The following KIF18B variants were observed in gnomAD, a reference collection of about 807,000 sequenced individuals.
KIF18B encodes kinesin-like protein KIF18B.
In KIF18B, 49 loss-of-function variants were observed where a neutral mutation model predicts 80.9. That is an observed-to-expected ratio of 0.61 (90% confidence interval 0.48 to 0.77). KIF18B has a LOEUF of 0.77. KIF18B is among the 30% of genes least tolerant of loss of function. The probability of loss-of-function intolerance (pLI) is 0.00; values close to 1 mark genes in which losing one functional copy is unlikely to be tolerated. For synonymous variants in KIF18B, 439 were observed against 463.9 expected, an observed-to-expected ratio of 0.95 and a Z score of 0.69; for missense variants, 994 against 1,127.7, an observed-to-expected ratio of 0.88 and a Z score of 1.70.
intron 9 of KIF18B, 85 bp from the exon 10 acceptor site, chr17:44,932,291 G>C (rs755278443): frequency 2.1e-6 from 3 of 1,459,352 alleles, no homozygotes; most frequent in Non-Finnish European, 2.7e-6. Flanking sequence ...CCAGGTGGGA[G>C]AGCAGGGAGC....
chr17:44,926,539 T>G (rs9890538), intron 14 of KIF18B, 40 bp from the exon 15 acceptor site: 142,709 of 1,528,524 alleles, frequency 0.093, 8,026 homozygotes, highest in South Asian at 0.22. Flanking sequence ...GTTACGGCCC[T>G]GTCTCTGGAC....
In KIF18B at chr17:44,936,933, C is replaced by T. The variant is rs927024942; in HGVS notation, c.-14-575G>A. Among the ~76,000 whole-genome samples the T allele has an allele frequency of 2.6e-5, 4 of 151,618 alleles. No individual in the cohort carries two copies. In the South Asian group the frequency reaches 6.2e-4, roughly 24 times the overall value. On this transcript the variant is annotated intron_variant, in intron 1 of 15. Coordinates refer to ENST00000593135, the MANE Select transcript of KIF18B (RefSeq NM_001265577.2). ...TTGGGATTACAGGCATGAGCCACCG[C>T]GCCAGGCCTCAAATGACTATATTGT...
At position 44,934,675 on chromosome 17, in the gene KIF18B, T is replaced by C. The variant is rs1567793230; in HGVS notation, c.577-58A>G. Reference sequence around the variant, plus strand: ...GGTTCCCGGATCAGGACTTTTCCCCTAACAGGAAGGGCTGCTCTTCAGAAT... The same window carrying C: ...GGTTCCCGGATCAGGACTTTTCCCCCAACAGGAAGGGCTGCTCTTCAGAAT... On this transcript the variant is annotated intron_variant, in intron 4 of 15. Coordinates refer to ENST00000593135, the MANE Select transcript of KIF18B (RefSeq NM_001265577.2). The surrounding 1 kb of genome is among the most constrained non-coding windows in gnomAD (Gnocchi z 5.4). 4 of 1,422,920 alleles carry C rather than the reference T, an allele frequency of 2.8e-6. No homozygotes were observed. The highest frequency in any genetic ancestry group is 2.9e-6 in the Non-Finnish European group (3 of 1,050,884). 88.1% of individuals were successfully genotyped at this position (1,422,920 alleles called of 1,614,324 possible). A position where few individuals can be genotyped will look rare whatever the true frequency, so the allele number is the denominator to read the frequency against.
At position 44,928,996 on chromosome 17, in the gene KIF18B, G is replaced by C. The variant is rs138107351; in HGVS notation, c.1546C>G (p.Gln516Glu). The change falls in exon 12 of 16, where the codon CAG becomes GAG. Residue 516 changes from glutamine (Q) to glutamate (E), a missense_variant. By Grantham distance (29) the Gln-to-Glu change is conservative. Coordinates refer to ENST00000593135, the MANE Select transcript of KIF18B (RefSeq NM_001265577.2). Reference sequence around the variant, plus strand: ...GCTTGGAGCAGGGAGTACTGCCGCTGGGCAACGCACAGCACCTTTAGGGCC... The same window carrying C: ...GCTTGGAGCAGGGAGTACTGCCGCTCGGCAACGCACAGCACCTTTAGGGCC... ...QLALKVLCVA[Q>E]RQYSLLQAAN... 133 of 1,614,014 alleles carry C rather than the reference G, an allele frequency of 8.2e-5. No homozygotes were observed. The highest frequency in any genetic ancestry group is 1.1e-4 in the Non-Finnish European group (125 of 1,179,886).
In KIF18B at chr17:44,934,406, C is replaced by T. The variant is rs770113585; in HGVS notation, c.712G>A (p.Val238Ile). The change falls in exon 6 of 16, where the codon GTT (valine) becomes ATT (isoleucine). Residue 238 changes from valine to isoleucine, a missense_variant. Coordinates refer to ENST00000593135, the MANE Select transcript of KIF18B (RefSeq NM_001265577.2). The surrounding 1 kb of genome is among the most constrained non-coding windows in gnomAD (Gnocchi z 5.4). ...TGGACAGCCTGGGTCAGTCCTGGAA[C>T]CCGGTCCTGCTGCTTCACAAAGATC... ...FQIFVKQQDR[V>I]PGLTQAVQVA... 23 of 1,606,202 alleles carry T rather than the reference C, an allele frequency of 1.4e-5. No homozygotes were observed. Among genetic ancestry groups the T allele is most frequent in the Non-Finnish European group, 2.0e-5 (23 of 1,176,154 alleles).
chr17:44,938,598 T>C (rs1395136776), intron 1 of KIF18B, among the ~76,000 whole-genome samples: 1 of 151,952 alleles, frequency 6.6e-6, no homozygotes, highest in Non-Finnish European at 1.5e-5. Context: ...GGAGATGGAA[T>C]TTTTTTTGTG....
chr17:44,936,622 ATATTTTTTTTTTTTTTTTTT>A (rs1437296213), intron 1 of KIF18B, among the ~76,000 whole-genome samples: 537 of 43,814 alleles, frequency 0.012, 12 homozygotes, highest in African/African-American at 0.055. Context: ...ATATATATAT[ATATTTTTTTTTTTTTTTTTT>A]TTTTTTTTTT....
rs557060202 is a variant in KIF18B at position 44,946,480 on chromosome 17, C to T, written c.-15+1148G>A. Among the ~76,000 whole-genome samples the T allele has an allele frequency of 2.6e-5, 4 of 152,298 alleles. No homozygotes were observed. In the South Asian group the frequency reaches 8.3e-4, roughly 32 times the overall value. On this transcript the variant is annotated intron_variant, in intron 1 of 15. Coordinates refer to ENST00000593135, the MANE Select transcript of KIF18B (RefSeq NM_001265577.2). ...TTGAGATGTTCTCCTCTAAACTAGGCTTAACTTCTCTGAGCCTCAGTTTTC... is the reference window on the plus strand; with the variant it reads ...TTGAGATGTTCTCCTCTAAACTAGGTTTAACTTCTCTGAGCCTCAGTTTTC...
At chr17:44,940,381 A>G (rs1445301773) in intron 1 of KIF18B, among the ~76,000 whole-genome samples, 1 of 152,216 alleles carries the variant, frequency 6.6e-6, no homozygotes, top group Non-Finnish European at 1.5e-5. Context: ...GTGATCACAC[A>G]TATTTCTCCT....
chr17:44,947,401 C>G (rs918551240), intron 1 of KIF18B, among the ~76,000 whole-genome samples: 2 of 152,218 alleles, frequency 1.3e-5, no homozygotes, highest in African/African-American at 4.8e-5. Flanking sequence ...GTCCTGACCA[C>G]CCGTACGGGT....
At position 44,927,771 on chromosome 17, in the gene KIF18B, C is replaced by T. The variant is rs1453078931; in HGVS notation, c.2276+255G>A. Among the ~76,000 whole-genome samples the T allele has an allele frequency of 6.6e-6, 1 of 152,232 alleles. No individual in the cohort carries two copies. Among genetic ancestry groups the T allele is most frequent in the East Asian group, 1.9e-4 (1 of 5,196 alleles). ...TTCCAAGTTGGGGTCCCATTAGCTA[C>T]TCATGAGCATGCTACAAACCAGCAC... On this transcript the variant is annotated intron_variant, in intron 13 of 15. Coordinates refer to ENST00000593135, the MANE Select transcript of KIF18B (RefSeq NM_001265577.2). The surrounding 1 kb of genome is among the most constrained non-coding windows in gnomAD (Gnocchi z 4.1).
At position 44,932,790 on chromosome 17, in the gene KIF18B, C is replaced by T. The variant is rs1402659350; in HGVS notation, c.1138-17G>A. ...AGCGGCTACCTGGAACAGAAGCAGCCCAGCCCCTGAGAGCCCCAGCTAAGC... is the reference window on the plus strand; with the variant it reads ...AGCGGCTACCTGGAACAGAAGCAGCTCAGCCCCTGAGAGCCCCAGCTAAGC... On this transcript the variant is annotated splice_polypyrimidine_tract_variant and intron_variant, in intron 8 of 15. Transcript: ENST00000593135. The T allele has an allele frequency of 3.1e-6, 5 of 1,607,364 alleles. No homozygotes were observed. The highest frequency in any genetic ancestry group is 4.3e-6 in the Non-Finnish European group (5 of 1,175,512).
chr17:44,942,038 C>T (rs1014150825), intron 1 of KIF18B, among the ~76,000 whole-genome samples: 19 of 152,166 alleles, frequency 1.2e-4, no homozygotes, highest in Non-Finnish European at 1.2e-4. Context: ...TGTTCAGCAT[C>T]TGACCAAGGG....
rs762349356 is a variant in KIF18B, at chr17:44,928,511, C to T, written c.1791G>A (p.Ala597=). 1.8e-5 allele frequency: 27 copies of T among 1,486,066 alleles called. No homozygotes were observed. The highest frequency in any genetic ancestry group is 5.6e-5 in the African/African-American group (4 of 71,282). The allele number at this position is 1,486,066 out of a possible 1,614,324, so 92.1% of individuals were successfully genotyped here. Residue 597 remains alanine (A), a synonymous_variant, in exon 13 of 16, where the codon GCG becomes GCA. Coordinates refer to ENST00000593135, the MANE Select transcript of KIF18B (RefSeq NM_001265577.2). ...GYTGPVTRTM[A]RRLSGPLHTL... is the part of the protein sequence containing the mutation. ...TGTGCAGGGGGCCACTCAGTCGCCT[C>T]GCCATAGTCCGGGTCACAGGGCCAG... is the stretch of plus-strand genomic sequence containing the variant.
rs2052013278 is a variant in KIF18B at position 44,925,833 on chromosome 17, CATT to C, written c.*244_*246del. 6 of 553,696 alleles carry C rather than the reference CATT, an allele frequency of 1.1e-5. No homozygotes were observed. Among genetic ancestry groups the C allele is most frequent in the Admixed American group, 6.8e-5 (2 of 29,594 alleles). The allele number at this position is 553,696 out of a possible 1,614,324, so 34.3% of individuals were successfully genotyped here. A position where few individuals can be genotyped will look rare whatever the true frequency, so the allele number is the denominator to read the frequency against. On this transcript the variant is annotated 3_prime_UTR_variant, in exon 16 of 16. Coordinates refer to ENST00000593135, the MANE Select transcript of KIF18B (RefSeq NM_001265577.2). The stretch of plus-strand genomic sequence containing the variant: ...CACCAAAAAACAAAAAACAGCAGCA[CATT>C]AACACTCACAAATGAATATGTACAT...
intron 11 of KIF18B, among the ~76,000 whole-genome samples, chr17:44,929,462 T>G (rs2052102485): frequency 6.6e-6 from 1 of 152,070 alleles, no homozygotes; most frequent in South Asian, 2.1e-4. Context: ...GACTGCCAGT[T>G]TCCCACTCAC....
At chr17:44,940,200 A>AT (rs1486281623) in intron 1 of KIF18B, among the ~76,000 whole-genome samples, 4 of 152,246 alleles carry the variant, frequency 2.6e-5, no homozygotes, top group Admixed American at 1.3e-4. Flanking sequence ...GTTCTAATAG[A>AT]TTGTCATTGA....
At position 44,929,073 on chromosome 17, in the gene KIF18B, C is replaced by G. The variant is rs533351995; in HGVS notation, c.1518-49G>C. 35 of 1,523,104 alleles carry G rather than the reference C, an allele frequency of 2.3e-5. No individual in the cohort carries two copies. The East Asian group carries it at 7.7e-4, about 33-fold the overall frequency. 94.3% of individuals were successfully genotyped at this position (1,523,104 alleles called of 1,614,324 possible). On this transcript the variant is annotated intron_variant, in intron 11 of 15. Transcript: ENST00000593135. Reference sequence around the variant, plus strand: ...CCAGCCCTGCTCAGACTCAGCCTGACCAGGAGCCTCTATGCCATGCACCTG... The same window carrying G: ...CCAGCCCTGCTCAGACTCAGCCTGAGCAGGAGCCTCTATGCCATGCACCTG...
intron 1 of KIF18B, among the ~76,000 whole-genome samples, chr17:44,937,977 T>TACACACACAC (rs57130293): frequency 1.3e-4 from 19 of 144,046 alleles, no homozygotes; most frequent in African/African-American, 4.3e-4. Context: ...AGCATCTCCA[T>TACACACACAC]ACACACACAC....
Sources: gnomAD v4.1 joint callset for allele counts (sites outside exome capture counted in the v4.1 genomes callset) on GRCh38, gnomAD v4.1.1 for gene constraint, Gnocchi (gnomAD v3.1) non-coding constraint, MANE v1.5 for transcripts, NCBI Gene and HGNC (gene_info 2026-07-23, HGNC 2026-07-21) for gene names.